BTBD1: variants seen among roughly 807,000 people sequenced by gnomAD.
BTBD1 encodes BTB domain containing 1.
Under a neutral mutation model 48.0 loss-of-function variants are expected in BTBD1, and 34 were observed. The ratio of observed to expected loss-of-function variants is 0.71; its 90% confidence interval spans 0.54 to 0.94. The LOEUF (loss-of-function observed/expected upper bound fraction) is 0.94. Among genes scored for constraint, BTBD1 ranks in the 40% least tolerant of loss-of-function variants. The pLI, the probability that BTBD1 is intolerant of heterozygous loss-of-function variation, is 0.00. For synonymous variants in BTBD1, 261 were observed against 242.1 expected (o/e 1.08, Z -0.72); for missense variants, 543 against 625.6 (o/e 0.87, Z 1.41).
In BTBD1 at chr15:83,017,836, T is replaced by C. The variant is rs2032200569; in HGVS notation, c.*231A>G. ...ATGAAGGTGAAAAAGCTGTGCTTTTTTTTAAACCATTAAACCCAGTTCTTT... is the reference window on the plus strand; with the variant it reads ...ATGAAGGTGAAAAAGCTGTGCTTTTCTTTAAACCATTAAACCCAGTTCTTT... On this transcript the variant is annotated 3_prime_UTR_variant, in exon 8 of 8. Coordinates refer to ENST00000261721, the MANE Select transcript of BTBD1 (RefSeq NM_025238.4). 3.8e-6 allele frequency: 1 copy of C among 264,500 alleles called. No homozygotes were observed. Among genetic ancestry groups the C allele is most frequent in the Non-Finnish European group, 7.0e-6 (1 of 142,550 alleles). 16.4% of individuals were successfully genotyped at this position (264,500 alleles called of 1,614,324 possible).
chr15:83,041,364 T>C (rs1225395090), intron 4 of BTBD1, among the ~76,000 whole-genome samples: 3 of 151,782 alleles, frequency 2.0e-5, no homozygotes, highest in African/African-American at 7.3e-5. Flanking sequence ...GGGAGACTGA[T>C]AGAATTTTTT....
At chr15:83,058,316 C>A (rs1269772593) in intron 1 of BTBD1, among the ~76,000 whole-genome samples, 1 of 152,230 alleles carries the variant, frequency 6.6e-6, no homozygotes, top group African/African-American at 2.4e-5. Context: ...TCTGTTGGCC[C>A]TTCCAACCTC....
At chr15:83,021,986 C>G (rs1447261970) in intron 5 of BTBD1, among the ~76,000 whole-genome samples, 1 of 152,006 alleles carries the variant, frequency 6.6e-6, no homozygotes, top group Non-Finnish European at 1.5e-5. Context: ...GCCCTATAAG[C>G]TAGATAACAG....
chr15:83,017,384 A>G lies in BTBD1; in HGVS notation c.*683T>C, dbSNP rs531386685. 1.3e-5 allele frequency: 2 copies of G among 152,758 alleles called. No homozygotes were observed. Among genetic ancestry groups the G allele is most frequent in the South Asian group, 4.1e-4 (2 of 4,830 alleles). The allele number at this position is 152,758 out of a possible 1,614,324, so 9.5% of individuals were successfully genotyped here. A position where few individuals can be genotyped will look rare whatever the true frequency, so the allele number is the denominator to read the frequency against. The stretch of plus-strand genomic sequence containing the variant: ...GAATCCAGTCTTAGATCCTGTTTAT[A>G]TCACATTTTTGTGAATTTACACAAA... On this transcript the variant is annotated 3_prime_UTR_variant, in exon 8 of 8. Transcript: ENST00000261721.
chr15:83,035,409 A>T (rs1408742587), intron 4 of BTBD1, among the ~76,000 whole-genome samples: 2 of 152,194 alleles, frequency 1.3e-5, no homozygotes, highest in Non-Finnish European at 2.9e-5. Context: ...TTCTGACTAT[A>T]CTGGAATTAA....
intron 4 of BTBD1, among the ~76,000 whole-genome samples, chr15:83,032,914 C>T (rs1021385198): frequency 7.3e-6 from 1 of 136,370 alleles, no homozygotes; most frequent in African/African-American, 2.9e-5. Context: ...GGAGGTTGCA[C>T]TGAGATGAAA....
intron 6 of BTBD1, 31 bp from the exon 7 acceptor site, chr15:83,018,884 A>G: frequency 6.3e-7 from 1 of 1,593,134 alleles, no homozygotes; most frequent in Non-Finnish European, 8.6e-7. Flanking sequence ...GTTACATTTA[A>G]GTTAAACCAA....
chr15:83,021,199 G>A (rs997844134), intron 5 of BTBD1, among the ~76,000 whole-genome samples: 1 of 152,188 alleles, frequency 6.6e-6, no homozygotes, highest in African/African-American at 2.4e-5. Flanking sequence ...CAACAAGACA[G>A]TTTCTACCTG....
chr15:83,050,789 G>C (rs1235911092), intron 2 of BTBD1, among the ~76,000 whole-genome samples: 2 of 151,858 alleles, frequency 1.3e-5, no homozygotes, highest in African/African-American at 2.4e-5. Flanking sequence ...AACAACACAA[G>C]AACAAATACA....
At chr15:83,040,489 G>A (rs998207844) in intron 4 of BTBD1, among the ~76,000 whole-genome samples, 4 of 151,960 alleles carry the variant, frequency 2.6e-5, no homozygotes, top group African/African-American at 9.7e-5. Context: ...GATCACCTGA[G>A]GTCAGGAGTT....
chr15:83,054,452 G>A (rs2033047682), intron 2 of BTBD1, among the ~76,000 whole-genome samples: 1 of 152,154 alleles, frequency 6.6e-6, no homozygotes, highest in African/African-American at 2.4e-5. Flanking sequence ...TCTGGCATAC[G>A]TGGAGTTCTG....
At chr15:83,051,488 A>T (rs966365870) in intron 2 of BTBD1, among the ~76,000 whole-genome samples, 1 of 149,408 alleles carries the variant, frequency 6.7e-6, no homozygotes, top group African/African-American at 2.4e-5. Context: ...ATATATATAT[A>T]TTTTAAGTTT....
At chr15:83,025,771 A>AT (rs1271473150) in intron 5 of BTBD1, among the ~76,000 whole-genome samples, 1 of 151,764 alleles carries the variant, frequency 6.6e-6, no homozygotes, top group Non-Finnish European at 1.5e-5. Context: ...CATTTTAACC[A>AT]TTTTTTCTTT....
Position 83,066,946 on chromosome 15 carries a change from C to T in BTBD1, c.206G>A (p.Ser69Asn), listed in dbSNP as rs1363161155. 6 of 1,577,154 alleles carry T rather than the reference C, an allele frequency of 3.8e-6. No homozygotes were observed. Among genetic ancestry groups the T allele is most frequent in the Non-Finnish European group, 5.2e-6 (6 of 1,164,596 alleles). ...CTTGCCCAGTACGAAGCGCACATCG[C>T]TCAGCAGCTCCGAGTTGAAGAGGAA... ...FAFLFNSELL[S>N]DVRFVLGKGR... is the part of the protein sequence containing the mutation. The change falls in exon 1 of 8, where the codon AGC becomes AAC. Residue 69 changes from serine (S) to asparagine (N), a missense_variant. Around this residue, in one of 3 missense-constraint regions of BTBD1, gnomAD observed 173 missense variants for 163.9 expected, o/e 1.06. Coordinates refer to ENST00000261721, the MANE Select transcript of BTBD1 (RefSeq NM_025238.4).
intron 5 of BTBD1, chr15:83,024,437 T>C (rs2032366188): frequency 1.3e-5 from 2 of 152,240 alleles, no homozygotes; most frequent in Admixed American, 6.5e-5. Flanking sequence ...TTTTCAATTA[T>C]CTGTTTTCAA....
chr15:83,041,714 A>G lies in BTBD1; in HGVS notation c.862+14T>C. ...AACAGTTTCAAATAGATTTTGGTGA[A>G]TTTATACCCTTACCTGCTGCAAATT... On this transcript the variant is annotated intron_variant, in intron 4 of 7. Coordinates refer to ENST00000261721, the MANE Select transcript of BTBD1 (RefSeq NM_025238.4). The G allele has an allele frequency of 6.2e-7, 1 of 1,612,698 alleles. No homozygotes were observed.
chr15:83,041,299 A>G (rs1432015656), intron 4 of BTBD1, among the ~76,000 whole-genome samples: 5 of 151,898 alleles, frequency 3.3e-5, no homozygotes, highest in Non-Finnish European at 7.4e-5. Context: ...ACACTCGCAT[A>G]TATGTTTGTC....
At chr15:83,053,064 C>T (rs555036662) in intron 2 of BTBD1, among the ~76,000 whole-genome samples, 1 of 152,114 alleles carries the variant, frequency 6.6e-6, no homozygotes, top group Non-Finnish European at 1.5e-5. Context: ...ATGTCTGTCA[C>T]TCCTTACACA....
At chr15:83,036,843 T>C (rs983043951) in intron 4 of BTBD1, among the ~76,000 whole-genome samples, 8 of 152,190 alleles carry the variant, frequency 5.3e-5, no homozygotes, top group African/African-American at 1.4e-4. Flanking sequence ...ATTTCCTTTA[T>C]ATAAAGTTTA....
Sources: gnomAD v4.1 joint callset for allele counts (sites outside exome capture counted in the v4.1 genomes callset) on GRCh38, gnomAD v4.1.1 for gene constraint, gnomAD v4.1.1 regional missense constraint, MANE v1.5 for transcripts, NCBI Gene and HGNC (gene_info 2026-07-23, HGNC 2026-07-21) for gene names.